Variants in NCF2 observed in about 807,000 individuals in gnomAD.
NCF2 encodes the protein neutrophil cytosol factor 2.
Under a neutral mutation model 70.9 loss-of-function variants are expected in NCF2, and 45 were observed. That is an observed-to-expected ratio of 0.63 (90% CI 0.50 to 0.81). The LOEUF is 0.81. Among genes scored for constraint, NCF2 ranks in the 40% least tolerant of loss-of-function variants. The probability of loss-of-function intolerance (pLI) is 0.00; values close to 1 mark genes in which losing one functional copy is unlikely to be tolerated. For synonymous variants in NCF2, 203 were observed against 233.6 expected, an observed-to-expected ratio of 0.87 and a Z score of 1.19; for missense variants, 522 against 631.6, an observed-to-expected ratio of 0.83 and a Z score of 1.86.
chr1:183,564,084 T>G (rs1378367610), intron 10 of NCF2, 54 bp from the exon 11 acceptor site: 4 of 1,550,086 alleles, frequency 2.6e-6, no homozygotes, highest in Non-Finnish European at 3.6e-6. Flanking sequence ...TGAACATCCT[T>G]GGCCAGCCCC....
the NCF2 span, among the ~76,000 whole-genome samples, chr1:183,598,628 T>C: frequency 1.3e-5 from 2 of 151,964 alleles, no homozygotes; most frequent in Non-Finnish European, 2.9e-5. Context: ...CTTTTTAGTA[T>C]CAGAGAAAGA....
intron 1 of NCF2, among the ~76,000 whole-genome samples, chr1:183,587,372 T>C (rs1033886684): frequency 2.0e-5 from 3 of 152,032 alleles, no homozygotes; most frequent in African/African-American, 7.2e-5. Flanking sequence ...GGCAGGTGGA[T>C]CACTTGAGCC....
intron 14 of NCF2, among the ~76,000 whole-genome samples, chr1:183,556,860 G>C (rs1671810123): frequency 6.6e-6 from 1 of 152,112 alleles, no homozygotes; most frequent in Admixed American, 6.6e-5. Flanking sequence ...AATTTTACCT[G>C]CGCTTTGTTG....
the NCF2 span, among the ~76,000 whole-genome samples, chr1:183,599,423 C>CTT: frequency 1.9e-5 from 2 of 107,426 alleles, no homozygotes; most frequent in Admixed American, 1.0e-4. Flanking sequence ...TCTTTCTTTC[C>CTT]TTCTTTCTTT....
At chr1:183,599,462 CTT>C in the NCF2 span, among the ~76,000 whole-genome samples, 1 of 137,522 alleles carries the variant, frequency 7.3e-6, no homozygotes, top group Non-Finnish European at 1.6e-5. Flanking sequence ...TTCTTTCTTT[CTT>C]TCTTTCTTTC....
intron 11 of NCF2, 58 bp from the exon 12 acceptor site, chr1:183,563,643 C>T (rs944028851): frequency 6.2e-6 from 10 of 1,606,044 alleles, no homozygotes; most frequent in Non-Finnish European, 8.5e-6. Flanking sequence ...TCTCAACATC[C>T]TGGATCACCG....
intron 10 of NCF2, 85 bp downstream of exon 10, chr1:183,565,619 T>G: frequency 3.7e-6 from 5 of 1,369,840 alleles, no homozygotes; most frequent in Non-Finnish European, 5.2e-6. Flanking sequence ...AACCAGAATT[T>G]CCTGGAAGGC....
At chr1:183,560,894 T>A (rs1347019203) in intron 13 of NCF2, among the ~76,000 whole-genome samples, 7 of 152,210 alleles carry the variant, frequency 4.6e-5, no homozygotes, top group Non-Finnish European at 1.0e-4. Context: ...GAGCCCTAAG[T>A]CAAAACTGGC....
chr1:183,592,421 C>G (rs1673696945), upstream of NCF2, among the ~76,000 whole-genome samples: 1 of 152,202 alleles, frequency 6.6e-6, no homozygotes. Context: ...CTCCTTTGTA[C>G]CACCTTTACC....
At chr1:183,566,464 G>A (rs764637284) in intron 9 of NCF2, among the ~76,000 whole-genome samples, 2 of 152,110 alleles carry the variant, frequency 1.3e-5, no homozygotes, top group South Asian at 2.1e-4. Context: ...GGCTGGTCTC[G>A]AACTCCTGAG....
chr1:183,567,494 G>A, intron 7 of NCF2, 149 bp from the exon 8 acceptor site: 2 of 1,106,812 alleles, frequency 1.8e-6, no homozygotes, highest in Non-Finnish European at 2.7e-6. Flanking sequence ...GAGCCTGCCT[G>A]GGCTCCCAAG....
the NCF2 span, chr1:183,598,297 CA>C: frequency 6.6e-6 from 1 of 152,226 alleles, no homozygotes; most frequent in South Asian, 2.1e-4. Flanking sequence ...TTGACTAATA[CA>C]AAGTGAAAAA....
intron 2 of NCF2, among the ~76,000 whole-genome samples, chr1:183,582,553 A>C (rs1419518943): frequency 6.6e-6 from 1 of 152,270 alleles, no homozygotes; most frequent in Non-Finnish European, 1.5e-5. Flanking sequence ...CCATGCGTCC[A>C]GAGTCCACAG....
intron 3 of NCF2, among the ~76,000 whole-genome samples, chr1:183,575,022 T>C (rs1397257495): frequency 6.6e-6 from 1 of 152,170 alleles, no homozygotes; most frequent in African/African-American, 2.4e-5. Context: ...GGGTTGGGAA[T>C]AAAATACAGG....
chr1:183,587,066 G>C, intron 1 of NCF2, 89 bp from the exon 2 acceptor site: 1 of 1,254,390 alleles, frequency 8.0e-7, no homozygotes, highest in Non-Finnish European at 1.2e-6. Flanking sequence ...CTAGCTCCCT[G>C]TGGTGCCCAG....
intron 3 of NCF2, among the ~76,000 whole-genome samples, chr1:183,575,334 G>C (rs1483332208): frequency 2.0e-5 from 3 of 152,200 alleles, no homozygotes; most frequent in Non-Finnish European, 4.4e-5. Context: ...GCTGGGCATG[G>C]TGGCAGGCAC....
intron 2 of NCF2, among the ~76,000 whole-genome samples, chr1:183,586,235 A>G (rs35049461): frequency 0.35 from 53,204 of 151,972 alleles, 9,879 homozygotes; most frequent in Middle Eastern, 0.43. Context: ...TCGGGAGGGT[A>G]AGCCAGGAGA....
rs137854515 is a variant in NCF2 at position 183,577,660 on chromosome 1, C to A, written c.305G>T (p.Arg102Leu). The A allele has an allele frequency of 1.2e-6, 2 of 1,614,070 alleles. No individual in the cohort carries two copies. The highest frequency in any genetic ancestry group is 2.2e-5 in the South Asian group (2 of 91,074). The change falls in exon 3 of 15, where the codon CGA (arginine) becomes CTA (leucine). Residue 102 changes from arginine (R) to leucine (L), a missense_variant. Coordinates refer to ENST00000367535, the MANE Select transcript of NCF2 (RefSeq NM_000433.4). ...CTTATAGTCTATCAGCTGGTTCCCT[C>A]GAAGCTGAATCAAGGCTTCTTTAAG... ...KDLKEALIQLRGNQLIDYKIL... is the reference protein window; with the variant it reads ...KDLKEALIQLLGNQLIDYKIL...
intron 2 of NCF2, among the ~76,000 whole-genome samples, chr1:183,584,534 G>A (rs917816992): frequency 2.6e-5 from 4 of 152,112 alleles, no homozygotes; most frequent in African/African-American, 7.2e-5. Context: ...ACTCAAAACC[G>A]TGGCCTTCCA....
Sources: allele counts gnomAD v4.1 joint callset (sites outside exome capture counted in the v4.1 genomes callset), GRCh38; gene constraint gnomAD v4.1.1; transcripts MANE v1.5; gene names NCBI Gene and HGNC (gene_info 2026-07-23, HGNC 2026-07-21).